The following MAST4 variants were observed in gnomAD, a reference collection of about 807,000 sequenced individuals.
MAST4 encodes the protein microtubule-associated serine/threonine-protein kinase 4.
In MAST4, 89 loss-of-function variants were observed where a neutral mutation model predicts 162.7. The observed-to-expected ratio is 0.55, with a 90% confidence interval of 0.46 to 0.65. The LOEUF (loss-of-function observed/expected upper bound fraction) is 0.65. MAST4 is among the 30% of genes least tolerant of loss of function. MAST4 has a pLI of 0.00. For synonymous variants in MAST4, 1,479 were observed against 1,361.1 expected (o/e 1.09, Z -1.91); for missense variants, 3,153 against 3,374.0 (o/e 0.93, Z 1.62).
chr5:66,964,651 A>C (rs1376356430), intron 4 of MAST4, among the ~76,000 whole-genome samples: 1 of 152,168 alleles, frequency 6.6e-6, no homozygotes, highest in African/African-American at 2.4e-5. Flanking sequence ...CATACAAAAA[A>C]TTAGCCGGGC....
Position 67,165,934 on chromosome 5 carries a change from C to T in MAST4, c.6755C>T (p.Ala2252Val), listed in dbSNP as rs759558515. ...HSKSGPDVFP[A>V]TPGSQNKASD... ...AAGAGTGGGCCGGATGTGTTTCCTG[C>T]TACCCCAGGCTCCCAGAACAAAGCC... The change falls in exon 29 of 29, where the codon GCT becomes GTT. Residue 2252 changes from alanine (A) to valine (V), a missense_variant. Transcript: ENST00000403625. 2 of 1,613,408 alleles carry T rather than the reference C, an allele frequency of 1.2e-6. No individual in the cohort carries two copies. The highest frequency in any genetic ancestry group is 1.7e-4 in the Middle Eastern group (1 of 6,060).
intron 12 of MAST4, 147 bp downstream of exon 12, chr5:67,114,366 G>A (rs991079864): frequency 5.9e-5 from 57 of 961,250 alleles, no homozygotes; most frequent in Non-Finnish European, 8.0e-5. Context: ...GCTATTTGAA[G>A]GAAATAGCCA....
At chr5:67,083,977 G>C (rs766820243) in intron 5 of MAST4, among the ~76,000 whole-genome samples, 1 of 152,146 alleles carries the variant, frequency 6.6e-6, no homozygotes, top group Non-Finnish European at 1.5e-5. Flanking sequence ...AGAGTAATAA[G>C]GAAGGGTCAG....
intron 1 of MAST4, among the ~76,000 whole-genome samples, chr5:66,743,853 A>T (rs1310493153): frequency 6.6e-6 from 1 of 152,042 alleles, no homozygotes; most frequent in Non-Finnish European, 1.5e-5. Flanking sequence ...TTACAATTGC[A>T]TATTATGTAT....
At chr5:66,822,813 A>T (rs1156573284) in intron 3 of MAST4, among the ~76,000 whole-genome samples, 1 of 152,166 alleles carries the variant, frequency 6.6e-6, no homozygotes, top group Non-Finnish European at 1.5e-5. Flanking sequence ...TTCACTTTGA[A>T]AGCACTGTTT....
chr5:67,068,600 CA>C (rs1760530247), intron 5 of MAST4, among the ~76,000 whole-genome samples: 1 of 152,130 alleles, frequency 6.6e-6, no homozygotes, highest in South Asian at 2.1e-4. Flanking sequence ...GGGACACAGC[CA>C]AGCCATATTA....
At chr5:66,895,595 C>A (rs891727546) in intron 3 of MAST4, among the ~76,000 whole-genome samples, 1 of 152,156 alleles carries the variant, frequency 6.6e-6, no homozygotes, top group Non-Finnish European at 1.5e-5. Flanking sequence ...CGCTCCACAT[C>A]CAGTTTCTGT....
chr5:66,763,189 C>G (rs971152088), intron 2 of MAST4, among the ~76,000 whole-genome samples: 1 of 152,170 alleles, frequency 6.6e-6, no homozygotes, highest in Non-Finnish European at 1.5e-5. Context: ...AACTGCTACA[C>G]TGTTCCTAGC....
intron 4 of MAST4, chr5:66,964,124 A>G (rs897545996): frequency 8.2e-6 from 4 of 487,942 alleles, no homozygotes; most frequent in Non-Finnish European, 1.6e-5. Context: ...CCTAATTCCT[A>G]TGAGAGTATT....
intron 4 of MAST4, among the ~76,000 whole-genome samples, chr5:67,033,313 C>CTGTGTGTG (rs1360368682): frequency 2.8e-5 from 2 of 70,224 alleles, no homozygotes; most frequent in African/African-American, 1.0e-4. Context: ...GTTTTCATTT[C>CTGTGTGTG]TCTGTGTGTG....
chr5:66,951,249 G>A (rs899033623), intron 4 of MAST4, among the ~76,000 whole-genome samples: 9 of 152,184 alleles, frequency 5.9e-5, no homozygotes, highest in African/African-American at 2.2e-4. Context: ...TAGCACAAGT[G>A]ATGGAATACC....
chr5:66,748,982 TG>T (rs1752962287), intron 1 of MAST4, among the ~76,000 whole-genome samples: 1 of 151,992 alleles, frequency 6.6e-6, no homozygotes, highest in African/African-American at 2.4e-5. Flanking sequence ...CTTCAGGCAC[TG>T]CAGAGAATAA....
intron 1 of MAST4, among the ~76,000 whole-genome samples, chr5:66,729,046 C>A (rs1580310526): frequency 6.6e-6 from 1 of 152,000 alleles, no homozygotes; most frequent in South Asian, 2.1e-4. Context: ...TCAGGGAAGT[C>A]AAAGCAAAAC....
chr5:67,163,151 T>C lies in MAST4; in HGVS notation c.3972T>C (p.Thr1324=). Residue 1324 remains threonine (T), a synonymous_variant, in exon 29 of 29, where the codon ACT becomes ACC. Transcript: ENST00000403625. This position sits in a 1 kb window ranked among gnomAD's most constrained non-coding sequence, Gnocchi z 7.0. ...CCTTCTGTTTTCCATCCACAGGTACTAATTCCTCCCAGAGCAGCTCCCCTA... is the reference window on the plus strand; with the variant it reads ...CCTTCTGTTTTCCATCCACAGGTACCAATTCCTCCCAGAGCAGCTCCCCTA... ...YRSTPDFPSG[T]NSSQSSSPSS... The C allele has an allele frequency of 6.2e-7, 1 of 1,601,740 alleles. No homozygotes were observed. Among genetic ancestry groups the C allele is most frequent in the Admixed American group, 1.7e-5 (1 of 59,614 alleles).
At chr5:66,971,951 T>C (rs549600258) in intron 4 of MAST4, among the ~76,000 whole-genome samples, 1 of 152,090 alleles carries the variant, frequency 6.6e-6, no homozygotes, top group South Asian at 2.1e-4. Context: ...ATGGTGATGA[T>C]AATGTGAAAC....
Position 67,165,024 on chromosome 5 carries a change from G to A in MAST4, c.5845G>A (p.Asp1949Asn). The A allele has an allele frequency of 6.2e-7, 1 of 1,612,784 alleles. No homozygotes were observed. Among genetic ancestry groups the A allele is most frequent in the Non-Finnish European group, 8.5e-7 (1 of 1,179,334 alleles). The change falls in exon 29 of 29, where the codon GAC (aspartate) becomes AAC (asparagine). Residue 1949 changes from aspartate (D) to asparagine (N), a missense_variant. Asp to Asn is a conservative substitution (Grantham distance 23). Around this residue, in one of 7 missense-constraint regions of MAST4, gnomAD observed 1,644 missense variants for 1,495.0 expected, o/e 1.10. Transcript: ENST00000403625. ...CCTGGGGCAGAACCTCCACAGCCCT[G>A]ACCTGGCCAGGCCACGCTGCCCGCT... ...TCLGQNLHSPDLARPRCPLPP... is the reference protein window; with the variant it reads ...TCLGQNLHSPNLARPRCPLPP...
chr5:66,997,418 T>G (rs1472980130), intron 4 of MAST4, among the ~76,000 whole-genome samples: 1 of 143,276 alleles, frequency 7.0e-6, no homozygotes, highest in Non-Finnish European at 1.5e-5. Context: ...AATTAATGTG[T>G]TTTTTTTCTT....
chr5:66,748,552 G>A lies in MAST4; in HGVS notation c.364-11157G>A, dbSNP rs368686303. Among the ~76,000 whole-genome samples the A allele has an allele frequency of 2.4e-4, 36 of 150,524 alleles. No homozygotes were observed. The South Asian group carries it at 5.8e-3, about 24-fold the overall frequency. ...TCGCCAGGCTGGAGTGCAGTGGTGC[G>A]ATCTCGGCTCACTGCAACCACTGCC... is the stretch of plus-strand genomic sequence containing the variant. On this transcript the variant is annotated intron_variant, in intron 1 of 28. Transcript: ENST00000403625.
At chr5:66,892,201 T>C (rs1372282550) in intron 3 of MAST4, among the ~76,000 whole-genome samples, 1 of 152,220 alleles carries the variant, frequency 6.6e-6, no homozygotes, top group Non-Finnish European at 1.5e-5. Context: ...AATTGGAGCT[T>C]ATCCTTGAGA....
Sources: gnomAD v4.1 joint callset for allele counts (sites outside exome capture counted in the v4.1 genomes callset) on GRCh38, gnomAD v4.1.1 for gene constraint, gnomAD v4.1.1 regional missense constraint, Gnocchi (gnomAD v3.1) non-coding constraint, MANE v1.5 for transcripts, NCBI Gene and HGNC (gene_info 2026-07-23, HGNC 2026-07-21) for gene names.